Variants in SH3BGRL2 observed in about 807,000 individuals in gnomAD.
SH3BGRL2 encodes SH3 domain-binding glutamic acid-rich-like protein 2.
In SH3BGRL2, 21 loss-of-function variants were observed where a neutral mutation model predicts 14.8. The observed-to-expected ratio is 1.42, with a 90% confidence interval of 1.01 to 2.05. The LOEUF (loss-of-function observed/expected upper bound fraction) is 2.05. Ranked by LOEUF, SH3BGRL2 falls within the 30% of genes most tolerant of loss-of-function variation. The pLI, the probability that SH3BGRL2 is intolerant of heterozygous loss-of-function variation, is 0.00. For missense variants in SH3BGRL2, 147 were observed against 130.8 expected (o/e 1.12, Z -0.61); for synonymous variants, 50 against 47.8 (o/e 1.05, Z -0.19).
At chr6:79,581,248 C>T in the SH3BGRL2 span, among the ~76,000 whole-genome samples, 1 of 152,114 alleles carries the variant, frequency 6.6e-6, no homozygotes, top group South Asian at 2.1e-4. Context: ...GAAACGATTC[C>T]AATCAACAGA....
chr6:79,694,014 A>G (rs1770281447), intron 2 of SH3BGRL2, among the ~76,000 whole-genome samples: 1 of 152,190 alleles, frequency 6.6e-6, no homozygotes, highest in Non-Finnish European at 1.5e-5. Flanking sequence ...CCATTTTCTG[A>G]GACGTCTAGT....
rs546053297 is a variant in SH3BGRL2, at chr6:79,673,392, T to C, written c.46-222T>C. Among the ~76,000 whole-genome samples the C allele has an allele frequency of 7.2e-5, 11 of 152,056 alleles. No homozygotes were observed. In the East Asian group the frequency reaches 7.8e-4, roughly 11 times the overall value. On this transcript the variant is annotated intron_variant, in intron 1 of 3. Coordinates refer to ENST00000369838, the MANE Select transcript of SH3BGRL2 (RefSeq NM_031469.4). ...GAGTTTGAGACCAGCCTGGGCAACA[T>C]AGAGAGACCCCATCTCAAAATAGCA...
intron 2 of SH3BGRL2, among the ~76,000 whole-genome samples, chr6:79,687,787 T>C (rs1488550102): frequency 1.3e-5 from 2 of 152,236 alleles, no homozygotes; most frequent in South Asian, 4.1e-4. Flanking sequence ...ACAAATTTAC[T>C]TGGGCTCATT....
rs1770401658 is a variant in SH3BGRL2 at position 79,699,372 on chromosome 6, G to A, written c.313-126G>A. 2.7e-6 allele frequency: 3 copies of A among 1,105,436 alleles called. No individual in the cohort carries two copies. In the East Asian group the frequency reaches 7.9e-5, roughly 29 times the overall value. The allele number at this position is 1,105,436 out of a possible 1,614,324, so 68.5% of individuals were successfully genotyped here. A position where few individuals can be genotyped will look rare whatever the true frequency, so the allele number is the denominator to read the frequency against. Reference sequence around the variant, plus strand: ...TTTCTCTTATCAATCACATGGAGGTGATCTGTTATGATTTCCAACATCTCT... The same window carrying A: ...TTTCTCTTATCAATCACATGGAGGTAATCTGTTATGATTTCCAACATCTCT... On this transcript the variant is annotated intron_variant, in intron 3 of 3. Transcript: ENST00000369838.
chr6:79,592,388 G>A, the SH3BGRL2 span, among the ~76,000 whole-genome samples: 1 of 152,148 alleles, frequency 6.6e-6, no homozygotes, highest in Non-Finnish European at 1.5e-5. Flanking sequence ...TTCAACAGGA[G>A]AAATAGATAT....
At chr6:79,568,757 A>G in the SH3BGRL2 span, among the ~76,000 whole-genome samples, 1 of 152,022 alleles carries the variant, frequency 6.6e-6, no homozygotes, top group Non-Finnish European at 1.5e-5. Flanking sequence ...AATTTTCTGT[A>G]GTAGGAATTT....
At chr6:79,677,711 A>G (rs977282338) in intron 2 of SH3BGRL2, among the ~76,000 whole-genome samples, 1 of 152,190 alleles carries the variant, frequency 6.6e-6, no homozygotes. Context: ...TCCATAATTC[A>G]TAATTCCTCT....
chr6:79,661,257 T>G (rs1474497812), intron 1 of SH3BGRL2, among the ~76,000 whole-genome samples: 1 of 152,218 alleles, frequency 6.6e-6, no homozygotes, highest in Non-Finnish European at 1.5e-5. Context: ...TGCTTTCTCC[T>G]GTGGGCATTT....
intron 1 of SH3BGRL2, among the ~76,000 whole-genome samples, chr6:79,658,309 C>G (rs911040138): frequency 2.0e-5 from 3 of 152,198 alleles, no homozygotes; most frequent in Admixed American, 2.0e-4. Flanking sequence ...CACCACCCGA[C>G]AGGCCCCAGT....
chr6:79,577,612 A>G, the SH3BGRL2 span, among the ~76,000 whole-genome samples: 1 of 152,218 alleles, frequency 6.6e-6, no homozygotes, highest in African/African-American at 2.4e-5. Flanking sequence ...AAAAAAAATA[A>G]AGCTGCTATA....
At chr6:79,567,189 A>T in the SH3BGRL2 span, among the ~76,000 whole-genome samples, 1 of 152,106 alleles carries the variant, frequency 6.6e-6, no homozygotes, top group African/African-American at 2.4e-5. Context: ...CTTACCTCTT[A>T]CTTGTGTAGA....
the SH3BGRL2 span, among the ~76,000 whole-genome samples, chr6:79,570,090 C>A: frequency 6.6e-6 from 1 of 152,194 alleles, no homozygotes; most frequent in East Asian, 1.9e-4. Flanking sequence ...AAAAATAATC[C>A]ATTTCCCCTT....
intron 1 of SH3BGRL2, among the ~76,000 whole-genome samples, chr6:79,647,204 T>C (rs1464736806): frequency 2.6e-5 from 4 of 152,212 alleles, no homozygotes; most frequent in Non-Finnish European, 5.9e-5. Context: ...CCTACATTTG[T>C]GATTATTTGT....
At chr6:79,624,344 ATAAT>A in the SH3BGRL2 span, among the ~76,000 whole-genome samples, 1 of 150,582 alleles carries the variant, frequency 6.6e-6, no homozygotes, top group Admixed American at 6.6e-5. Flanking sequence ...AAAACTATCT[ATAAT>A]TAATATTTTT....
At chr6:79,559,175 G>A in the SH3BGRL2 span, among the ~76,000 whole-genome samples, 2 of 152,114 alleles carry the variant, frequency 1.3e-5, no homozygotes, top group Non-Finnish European at 2.9e-5. Context: ...TTTAAGACCT[G>A]CAGATAGACC....
intron 2 of SH3BGRL2, among the ~76,000 whole-genome samples, chr6:79,695,852 A>T (rs575502184): frequency 6.6e-6 from 1 of 152,338 alleles, no homozygotes; most frequent in African/African-American, 2.4e-5. Context: ...AGTTGAACAG[A>T]TTGACCAGAA....
chr6:79,686,172 A>G (rs1770086174), intron 2 of SH3BGRL2, among the ~76,000 whole-genome samples: 1 of 152,112 alleles, frequency 6.6e-6, no homozygotes, highest in African/African-American at 2.4e-5. Context: ...TTTTCTGGAA[A>G]GTTTTAGGGT....
rs1490596592 is a variant in SH3BGRL2 at position 79,672,501 on chromosome 6, C to T, written c.46-1113C>T. On this transcript the variant is annotated intron_variant, in intron 1 of 3. Coordinates refer to ENST00000369838, the MANE Select transcript of SH3BGRL2 (RefSeq NM_031469.4). ...TACTAATATGTCTTGGAGAGCTTTTCATAACAATGTTAACAGTACATACAG... is the reference window on the plus strand; with the variant it reads ...TACTAATATGTCTTGGAGAGCTTTTTATAACAATGTTAACAGTACATACAG... 3.3e-5 allele frequency among the ~76,000 whole-genome samples: 5 copies of T among 152,194 alleles called. No individual in the cohort carries two copies. In the East Asian group the frequency reaches 5.8e-4, roughly 18 times the overall value.
chr6:79,631,499 T>C lies in SH3BGRL2; in HGVS notation c.38T>C (p.Phe13Ser). The part of the protein sequence containing the change: ...IRVFIASSSG[F>S]VAIKKKQQDV... The stretch of plus-strand genomic sequence containing the variant: ...GTGTTCATCGCCTCTTCCTCGGGCT[T>C]CGTGGCGGTGAGCGCGGTGGGGGCG... The change falls in exon 1 of 4, where the codon TTC becomes TCC. Residue 13 changes from phenylalanine to serine, a missense_variant. Phe to Ser is a radical substitution (Grantham distance 155). Coordinates refer to ENST00000369838, the MANE Select transcript of SH3BGRL2 (RefSeq NM_031469.4). 6.7e-7 allele frequency: 1 copy of C among 1,481,906 alleles called. No individual in the cohort carries two copies. Among genetic ancestry groups the C allele is most frequent in the African/African-American group, 1.4e-5 (1 of 69,286 alleles). 91.8% of individuals were successfully genotyped at this position (1,481,906 alleles called of 1,614,324 possible). A position where few individuals can be genotyped will look rare whatever the true frequency, so the allele number is the denominator to read the frequency against.
Sources: allele counts gnomAD v4.1 joint callset (sites outside exome capture counted in the v4.1 genomes callset), GRCh38; gene constraint gnomAD v4.1.1; transcripts MANE v1.5; gene names NCBI Gene and HGNC (gene_info 2026-07-23, HGNC 2026-07-21).